DUS2: variants seen among roughly 807,000 people sequenced by gnomAD.
DUS2 encodes tRNA-dihydrouridine(20) synthase [NAD(P)+]-like.
Under a neutral mutation model 71.3 loss-of-function variants are expected in DUS2, and 52 were observed. The ratio of observed to expected loss-of-function variants is 0.73; its 90% CI spans 0.58 to 0.92. The LOEUF is 0.92. Among genes scored for constraint, DUS2 ranks in the 40% least tolerant of loss-of-function variants. The pLI is 0.00. For synonymous variants in DUS2, 204 were observed against 227.8 expected (o/e 0.90, Z 0.94); for missense variants, 558 against 622.6 (o/e 0.90, Z 1.10).
chr16:68,066,631 T>C lies in DUS2; in HGVS notation c.549T>C (p.His183=), dbSNP rs750958768. Reference sequence around the variant, plus strand: ...CTGGCATTGCTGCCATCGCAGTTCATGGGAGGTGAGTGGTCACCTTTCTAG... The same window carrying C: ...CTGGCATTGCTGCCATCGCAGTTCACGGGAGGTGAGTGGTCACCTTTCTAG... ...ERTGIAAIAV[H]GRKREERPQH... The change falls in exon 10 of 17, where the codon CAT becomes CAC. Residue 183 remains histidine, a synonymous_variant. Transcript: ENST00000565263. 10 of 1,614,118 alleles carry C rather than the reference T, an allele frequency of 6.2e-6. No individual in the cohort carries two copies. The highest frequency in any genetic ancestry group is 2.2e-5 in the East Asian group (1 of 44,890).
chr16:68,060,858 GA>G (rs981683571), intron 7 of DUS2, among the ~76,000 whole-genome samples: 5 of 151,640 alleles, frequency 3.3e-5, no homozygotes, highest in Admixed American at 6.6e-5. Context: ...AAAAAAAAAA[GA>G]AAAAAAATTA....
chr16:68,032,617 A>T (rs1157154031), intron 2 of DUS2, among the ~76,000 whole-genome samples: 2 of 152,238 alleles, frequency 1.3e-5, no homozygotes, highest in African/African-American at 4.8e-5. Context: ...TATTCCAGAC[A>T]GAACTGCAAG....
intron 3 of DUS2, among the ~76,000 whole-genome samples, chr16:68,045,807 A>G (rs533678574): frequency 6.6e-6 from 1 of 150,466 alleles, no homozygotes; most frequent in East Asian, 2.0e-4. Context: ...GGCTCACTGC[A>G]ACGTCTGCCT....
At position 68,079,041 on chromosome 16, in the gene DUS2, G is replaced by GC; in HGVS notation, c.*55_*56insC. The GC allele has an allele frequency of 2.1e-6, 3 of 1,432,848 alleles. No homozygotes were observed. Among genetic ancestry groups the GC allele is most frequent in the Non-Finnish European group, 2.8e-6 (3 of 1,061,520 alleles). The allele number at this position is 1,432,848 out of a possible 1,614,324, so 88.8% of individuals were successfully genotyped here. ...TGGGCCTGGTGCTAAGGTGGCTGTG[G>GC]ATGCCACAGCATGAACCAGATGCCG... On this transcript the variant is annotated 3_prime_UTR_variant, in exon 17 of 17. Transcript: ENST00000565263.
At chr16:68,071,248 C>T (rs1209714321) in intron 12 of DUS2, 140 bp downstream of exon 12, 4 of 852,558 alleles carry the variant, frequency 4.7e-6, no homozygotes, top group Non-Finnish European at 5.4e-6. Flanking sequence ...AGTGTAGCTG[C>T]ACTAGCTCAC....
chr16:68,060,512 C>T (rs1344460814), intron 7 of DUS2, among the ~76,000 whole-genome samples: 1 of 152,114 alleles, frequency 6.6e-6, no homozygotes, highest in Non-Finnish European at 1.5e-5. Context: ...CTGGATTTCA[C>T]CATGTTAGCC....
chr16:68,029,754 C>T (rs976290371), intron 2 of DUS2, among the ~76,000 whole-genome samples: 3 of 151,752 alleles, frequency 2.0e-5, no homozygotes, highest in Non-Finnish European at 4.4e-5. Flanking sequence ...GCCACATGTT[C>T]AGATTAGGAA....
rs761759191 is a variant in DUS2, at chr16:68,078,938, CTTTGTGG to C, written c.1435_1441del (p.Phe479ProfsTer106). 3.1e-6 allele frequency: 5 copies of C among 1,599,000 alleles called. No individual in the cohort carries two copies. The African/African-American group carries it at 6.7e-5, about 21-fold the overall frequency. On this transcript the variant is annotated frameshift_variant, in exon 17 of 17. Transcript: ENST00000565263. LOFTEE classifies it high-confidence loss of function. ...AACCTGGGGATCTGTGCAAGAAGCC[CTTTGTGG>C]CCTTGGGAAGTGGTGAAGAAAGCCC...
chr16:68,052,645 C>CTT (rs199978338), intron 4 of DUS2, among the ~76,000 whole-genome samples: 2 of 142,054 alleles, frequency 1.4e-5, no homozygotes, highest in Admixed American at 7.1e-5. Flanking sequence ...CATGTATGGA[C>CTT]TTTTTTTTTT....
intron 2 of DUS2, among the ~76,000 whole-genome samples, chr16:68,031,925 T>A (rs1206240515): frequency 1.3e-5 from 2 of 152,062 alleles, no homozygotes; most frequent in African/African-American, 4.8e-5. Context: ...GAACTCCTGA[T>A]CTCAGGTGAT....
At chr16:68,055,514 C>T (rs1382245262) in intron 6 of DUS2, among the ~76,000 whole-genome samples, 1 of 152,136 alleles carries the variant, frequency 6.6e-6, no homozygotes, top group Non-Finnish European at 1.5e-5. Flanking sequence ...GAAGTTAAGA[C>T]AGACCTGGTT....
At chr16:68,063,787 G>A (rs1272244319) in intron 8 of DUS2, among the ~76,000 whole-genome samples, 4 of 151,998 alleles carry the variant, frequency 2.6e-5, no homozygotes, top group African/African-American at 9.7e-5. Context: ...GCAGTGGTGC[G>A]ATCTCAGCTC....
intron 2 of DUS2, among the ~76,000 whole-genome samples, chr16:68,035,971 A>G (rs969680310): frequency 2.1e-5 from 3 of 143,778 alleles, no homozygotes; most frequent in Admixed American, 1.4e-4. Context: ...TATGTTATAT[A>G]TATATATACA....
At chr16:68,052,805 G>C (rs555555486) in intron 4 of DUS2, among the ~76,000 whole-genome samples, 1 of 151,798 alleles carries the variant, frequency 6.6e-6, no homozygotes, top group Non-Finnish European at 1.5e-5. Context: ...ACCACGCCCA[G>C]CTAATTTTTG....
chr16:68,042,506 C>T (rs1329278009), intron 3 of DUS2, among the ~76,000 whole-genome samples: 2 of 152,076 alleles, frequency 1.3e-5, no homozygotes, highest in Non-Finnish European at 2.9e-5. Context: ...CTTCCGGTTT[C>T]TCTACATCCT....
chr16:68,049,892 CTCTG>C (rs2033755065), intron 4 of DUS2, among the ~76,000 whole-genome samples: 1 of 152,172 alleles, frequency 6.6e-6, no homozygotes, highest in Non-Finnish European at 1.5e-5. Flanking sequence ...GCCATATGAC[CTCTG>C]TCTGCCTTAG....
In DUS2 at chr16:68,066,327, C is replaced by T. The variant is rs141092300; in HGVS notation, c.428C>T (p.Thr143Ile). 2.0e-5 allele frequency: 32 copies of T among 1,614,180 alleles called. 1 individual carries two copies. The East Asian group carries it at 7.1e-4, about 36-fold the overall frequency. Residue 143 changes from threonine (T) to isoleucine (I), a missense_variant, in exon 9 of 17, where the codon ACT becomes ATT. Coordinates refer to ENST00000565263, the MANE Select transcript of DUS2 (RefSeq NM_017803.5). ...TTTTCCTTTCTGCAGATCCTCAGCA[C>T]TCTTGTTAAAGGGACACGCAGACCT... Reference protein sequence around the residue: ...DPDKIEKILSTLVKGTRRPVT... With the variant: ...DPDKIEKILSILVKGTRRPVT...
At chr16:68,033,012 C>G (rs974226748) in intron 2 of DUS2, among the ~76,000 whole-genome samples, 2 of 150,910 alleles carry the variant, frequency 1.3e-5, no homozygotes, top group Non-Finnish European at 2.9e-5. Context: ...TGGGTAGGGA[C>G]TGATCATGCA....
At chr16:68,065,196 T>A (rs2033988225) in intron 8 of DUS2, among the ~76,000 whole-genome samples, 2 of 152,186 alleles carry the variant, frequency 1.3e-5, no homozygotes, top group African/African-American at 4.8e-5. Flanking sequence ...CTTTTAAATA[T>A]GTGCTTATCT....
Sources: allele counts gnomAD v4.1 joint callset (sites outside exome capture counted in the v4.1 genomes callset), GRCh38; gene constraint gnomAD v4.1.1; transcripts MANE v1.5; gene names NCBI Gene and HGNC (gene_info 2026-07-23, HGNC 2026-07-21).